ANOS1: variants seen among roughly 807,000 people sequenced by gnomAD.
ANOS1 encodes the protein anosmin-1.
In ANOS1, 6 loss-of-function variants were observed where a neutral mutation model predicts 59.0. The ratio of observed to expected loss-of-function variants is 0.10; its 90% confidence interval spans 0.06 to 0.20. ANOS1 has a LOEUF of 0.20. Ranked by LOEUF, ANOS1 falls within the 10% of genes least tolerant of loss-of-function variation. ANOS1 has a pLI of 1.00. For missense variants in ANOS1, 433 were observed against 542.3 expected (o/e 0.80, Z 2.00); for synonymous variants, 217 against 223.4 (o/e 0.97, Z 0.25).
At chrX:8,668,124 C>CAT (rs1932185416) in intron 2 of ANOS1, among the ~76,000 whole-genome samples, 5 of 107,179 alleles carry the variant, frequency 4.7e-5, no homozygotes, top group African/African-American at 1.7e-4. Context: ...GATTTTGGTG[C>CAT]ACCCATCACC....
chrX:8,551,604 C>CA (rs1266844600), intron 9 of ANOS1, among the ~76,000 whole-genome samples: 4,871 of 91,461 alleles, frequency 0.053, 229 homozygotes, highest in African/African-American at 0.15. Context: ...GAAACTCCAT[C>CA]AAAAAAAAAA....
intron 6 of ANOS1, among the ~76,000 whole-genome samples, chrX:8,570,961 A>G (rs1164666964): frequency 9.1e-6 from 1 of 109,751 alleles, no homozygotes; most frequent in African/African-American, 3.3e-5. Flanking sequence ...AATTTAAAAA[A>G]TTAGCTGGGC....
chrX:8,731,181 C>T, intron 1 of ANOS1, among the ~76,000 whole-genome samples: 1 of 112,340 alleles, frequency 8.9e-6, no homozygotes, highest in Non-Finnish European at 1.9e-5. Flanking sequence ...TAGTCCAGGG[C>T]AAGACCTTGA....
intron 2 of ANOS1, among the ~76,000 whole-genome samples, chrX:8,631,749 A>G (rs1931492906): frequency 9.0e-6 from 1 of 111,530 alleles, no homozygotes; most frequent in Non-Finnish European, 1.9e-5. Context: ...CAATATGAAA[A>G]CAATGAATTT....
intron 11 of ANOS1, among the ~76,000 whole-genome samples, chrX:8,536,469 G>T (rs902857370): frequency 2.3e-4 from 25 of 110,481 alleles, no homozygotes; most frequent in South Asian, 3.8e-4. Flanking sequence ...GCAGCAAAGG[G>T]GTGGGAAAAT....
intron 8 of ANOS1, among the ~76,000 whole-genome samples, chrX:8,565,116 G>T (rs1442834394): frequency 8.9e-6 from 1 of 111,929 alleles, no homozygotes; most frequent in Non-Finnish European, 1.9e-5. Context: ...ACAAGGACAA[G>T]TTGAAGTCGG....
At chrX:8,594,724 CT>C (rs1569058442) in intron 4 of ANOS1, among the ~76,000 whole-genome samples, 53 of 34,277 alleles carry the variant, frequency 1.5e-3, no homozygotes, top group African/African-American at 6.3e-3. Flanking sequence ...ATATATATAT[CT>C]ACATATATAT....
In ANOS1 at chrX:8,582,801, G is replaced by A. The variant is rs771348913; in HGVS notation, c.856+2466C>T. ...GAAGCCTTAAGGCAGAAGCCAGGAGGCAGAAGTGGGGATGTGATTAGGAAG... is the reference window on the plus strand; with the variant it reads ...GAAGCCTTAAGGCAGAAGCCAGGAGACAGAAGTGGGGATGTGATTAGGAAG... On this transcript the variant is annotated intron_variant, in intron 6 of 13. Coordinates refer to ENST00000262648, the MANE Select transcript of ANOS1 (RefSeq NM_000216.4). Among the ~76,000 whole-genome samples, 359 of 111,819 alleles carry A rather than the reference G, an allele frequency of 3.2e-3. 5 individuals are homozygous for A. Among genetic ancestry groups the A allele is most frequent in the African/African-American group, 0.011 (343 of 30,768 alleles).
chrX:8,666,690 A>G lies in ANOS1; in HGVS notation c.255+33008T>C, dbSNP rs142503819. 3.2e-3 allele frequency among the ~76,000 whole-genome samples: 354 copies of G among 112,378 alleles called. 2 individuals are homozygous for G. The highest frequency in any genetic ancestry group is 0.011 in the African/African-American group (337 of 30,987). ...AGGAAAAATGCTCCACATTCCCCAC[A>G]TGCCCAAGAAGCAAAAATGGACAGA... On this transcript the variant is annotated intron_variant, in intron 2 of 13. Transcript: ENST00000262648.
intron 6 of ANOS1, among the ~76,000 whole-genome samples, chrX:8,581,691 T>A (rs1358852159): frequency 8.9e-6 from 1 of 112,025 alleles, no homozygotes; most frequent in East Asian, 2.8e-4. Flanking sequence ...TGCTGCCACA[T>A]CTTTCCCTAC....
intron 2 of ANOS1, among the ~76,000 whole-genome samples, chrX:8,646,838 C>T (rs181907427): frequency 9.5e-6 from 1 of 104,837 alleles, no homozygotes; most frequent in Admixed American, 1.1e-4. Flanking sequence ...GAGGCTAAGG[C>T]AGGAGGATTA....
intron 5 of ANOS1, among the ~76,000 whole-genome samples, chrX:8,586,347 A>G (rs916493430): frequency 6.2e-5 from 7 of 112,490 alleles, no homozygotes; most frequent in Non-Finnish European, 9.4e-5. Flanking sequence ...GATCAAAGGA[A>G]GAATATGAAC....
intron 1 of ANOS1, among the ~76,000 whole-genome samples, chrX:8,713,534 T>C (rs760205332): frequency 8.9e-6 from 1 of 111,894 alleles, no homozygotes; most frequent in African/African-American, 3.2e-5. Flanking sequence ...CACGAAAGCC[T>C]GAGATGCTTA....
At chrX:8,574,318 A>AG (rs1402712656) in intron 6 of ANOS1, among the ~76,000 whole-genome samples, 1 of 110,543 alleles carries the variant, frequency 9.0e-6, no homozygotes, top group African/African-American at 3.3e-5. Flanking sequence ...AAAAAAAAAA[A>AG]AAGTCACCAT....
chrX:8,609,492 T>C (rs1218200020), intron 3 of ANOS1, among the ~76,000 whole-genome samples: 2 of 111,915 alleles, frequency 1.8e-5, no homozygotes, highest in Non-Finnish European at 3.8e-5. Context: ...GAACATTGAA[T>C]GTTATGTTAT....
At chrX:8,690,151 C>T (rs970351747) in intron 2 of ANOS1, among the ~76,000 whole-genome samples, 1 of 112,082 alleles carries the variant, frequency 8.9e-6, no homozygotes, top group Non-Finnish European at 1.9e-5. Flanking sequence ...AAGACATGTA[C>T]TTGTGGAAAT....
intron 11 of ANOS1, 85 bp downstream of exon 11, chrX:8,536,686 C>A (rs1340035098): frequency 3.8e-6 from 3 of 795,299 alleles, no homozygotes; most frequent in Non-Finnish European, 5.6e-6. Flanking sequence ...TTTTCACGGT[C>A]TTGTGAAACG....
At chrX:8,701,986 A>C (rs1393080064) in intron 1 of ANOS1, among the ~76,000 whole-genome samples, 2 of 111,640 alleles carry the variant, frequency 1.8e-5, no homozygotes, top group African/African-American at 6.5e-5. Context: ...CTTAACTCCT[A>C]ATAATTCCTA....
intron 2 of ANOS1, among the ~76,000 whole-genome samples, chrX:8,644,635 C>A (rs1931722635): frequency 8.9e-6 from 1 of 111,869 alleles, no homozygotes; most frequent in African/African-American, 3.2e-5. Context: ...TTTTAAGGTC[C>A]AATAAGAGGT....
Sources: gnomAD v4.1 joint callset for allele counts (sites outside exome capture counted in the v4.1 genomes callset) on GRCh38, gnomAD v4.1.1 for gene constraint, MANE v1.5 for transcripts, NCBI Gene and HGNC (gene_info 2026-07-23, HGNC 2026-07-21) for gene names.